The following KSR2 variants were observed in gnomAD, a reference collection of about 807,000 sequenced individuals.
KSR2 encodes kinase suppressor of ras 2.
KSR2 carries 25 observed loss-of-function variants against 107.8 expected under a neutral mutation model. The ratio of observed to expected loss-of-function variants is 0.23; its 90% CI spans 0.17 to 0.32. KSR2 has a LOEUF of 0.32. Ranked by LOEUF, KSR2 falls within the 10% of genes least tolerant of loss-of-function variation. The pLI, the probability that KSR2 is intolerant of heterozygous loss-of-function variation, is 1.00. For synonymous variants in KSR2, 480 were observed against 507.0 expected (o/e 0.95, Z 0.71); for missense variants, 887 against 1,268.9 (o/e 0.70, Z 4.57).
chr12:117,587,123 G>A (rs1315607568), intron 5 of KSR2, among the ~76,000 whole-genome samples: 3 of 152,136 alleles, frequency 2.0e-5, no homozygotes, highest in African/African-American at 7.2e-5. Context: ...AGGAGGCCTG[G>A]GAAGTGATGT....
intron 4 of KSR2, among the ~76,000 whole-genome samples, chr12:117,716,307 G>T (rs1448177275): frequency 1.3e-5 from 2 of 152,142 alleles, no homozygotes; most frequent in Non-Finnish European, 2.9e-5. Flanking sequence ...TTACTCTGAA[G>T]TATGGCCTCC....
At chr12:117,641,189 C>CAGGTTCA (rs767949211) in intron 5 of KSR2, among the ~76,000 whole-genome samples, 28 of 152,298 alleles carry the variant, frequency 1.8e-4, no homozygotes, top group Non-Finnish European at 3.4e-4. Flanking sequence ...CCTCTGCCTT[C>CAGGTTCA]AGGTTCAAGC....
Position 117,455,026 on chromosome 12 carries a change from C to CAGAGAGAGAGAGAG in KSR2, c.*12172_*12173insCTCTCTCTCTCTCT, listed in dbSNP as rs776656913. On this transcript the variant is annotated 3_prime_UTR_variant, in exon 20 of 20. Coordinates refer to ENST00000339824, the MANE Select transcript of KSR2 (RefSeq NM_173598.6). ...GCAGAGACAGAGACAGACACAGAGACAGACAGACAGAGAGAGAGAGAGAGA... is the reference window on the plus strand; with the variant it reads ...GCAGAGACAGAGACAGACACAGAGACAGAGAGAGAGAGAGAGACAGACAGAGAGAGAGAGAGAGA... 8.9e-6 allele frequency: 1 copy of CAGAGAGAGAGAGAG among 112,584 alleles called. No homozygotes were observed. Among genetic ancestry groups the CAGAGAGAGAGAGAG allele is most frequent in the African/African-American group, 3.6e-5 (1 of 27,558 alleles). The allele number at this position is 112,584 out of a possible 1,614,324, so 7.0% of individuals were successfully genotyped here. A position where few individuals can be genotyped will look rare whatever the true frequency, so the allele number is the denominator to read the frequency against.
intron 12 of KSR2, 31 bp from the exon 13 acceptor site, chr12:117,527,150 T>A: frequency 1.3e-6 from 2 of 1,559,620 alleles, no homozygotes; most frequent in Non-Finnish European, 1.8e-6. Context: ...ACGTGATCCC[T>A]AGGTGAAAAG....
rs555576927 is a variant in KSR2, at chr12:117,619,170, A to G, written c.1172-36811T>C. Among the ~76,000 whole-genome samples the G allele has an allele frequency of 3.5e-4, 53 of 150,872 alleles. 1 individual carries two copies. The highest frequency in any genetic ancestry group is 6.3e-4 in the Non-Finnish European group (43 of 67,816). On this transcript the variant is annotated intron_variant, in intron 5 of 19. Transcript: ENST00000339824. ...GGTGCAATAGCTCTTTCCTGGCAAC[A>G]TTTCTTGTGTGCAGTCAGCCACAGG...
intron 1 of KSR2, among the ~76,000 whole-genome samples, chr12:117,901,762 C>G (rs550438280): frequency 1.3e-5 from 2 of 152,252 alleles, no homozygotes; most frequent in Non-Finnish European, 2.9e-5. Context: ...CCCATTATTC[C>G]TAGACCTGCG....
At chr12:117,640,858 G>C (rs981071382) in intron 5 of KSR2, among the ~76,000 whole-genome samples, 26 of 152,158 alleles carry the variant, frequency 1.7e-4, no homozygotes, top group African/African-American at 5.8e-4. Context: ...CAATTTCACA[G>C]CTGAGAAGAG....
intron 6 of KSR2, among the ~76,000 whole-genome samples, chr12:117,579,572 T>C (rs963787282): frequency 6.6e-6 from 1 of 152,186 alleles, no homozygotes; most frequent in South Asian, 2.1e-4. Context: ...TGGCCTACTA[T>C]ATGCCAAGGT....
chr12:117,906,050 C>CT (rs1452252692), intron 1 of KSR2, among the ~76,000 whole-genome samples: 1 of 137,230 alleles, frequency 7.3e-6, no homozygotes, highest in Non-Finnish European at 1.6e-5. Flanking sequence ...ATGAGAAACA[C>CT]TTAAAAAAAC....
intron 4 of KSR2, among the ~76,000 whole-genome samples, chr12:117,753,517 A>C (rs1888679139): frequency 6.6e-6 from 1 of 152,240 alleles, no homozygotes; most frequent in Admixed American, 6.5e-5. Context: ...TTGCAGGAAC[A>C]GGGATGGAGC....
intron 1 of KSR2, chr12:117,890,753 G>A (rs561691473): frequency 1.3e-5 from 2 of 152,062 alleles, no homozygotes; most frequent in Non-Finnish European, 2.9e-5. Context: ...TAGATGCACC[G>A]TGGGACATCT....
intron 3 of KSR2, among the ~76,000 whole-genome samples, chr12:117,770,630 TAGGAA>T (rs1382447469): frequency 6.6e-6 from 1 of 151,914 alleles, no homozygotes; most frequent in African/African-American, 2.4e-5. Context: ...GATTCTGTGT[TAGGAA>T]ACTGGTGCTG....
chr12:117,511,288 T>C (rs1196415510), intron 14 of KSR2, among the ~76,000 whole-genome samples: 1 of 152,216 alleles, frequency 6.6e-6, no homozygotes, highest in Admixed American at 6.5e-5. Flanking sequence ...TTCTTTCCAG[T>C]TCAAAATTTC....
At chr12:117,753,803 C>A (rs1888690370) in intron 4 of KSR2, among the ~76,000 whole-genome samples, 1 of 134,248 alleles carries the variant, frequency 7.4e-6, no homozygotes, top group Non-Finnish European at 1.6e-5. Context: ...TACCCGTGAC[C>A]TTAAAATGAA....
At chr12:117,587,635 A>G (rs1880083745) in intron 5 of KSR2, among the ~76,000 whole-genome samples, 1 of 152,088 alleles carries the variant, frequency 6.6e-6, no homozygotes, top group South Asian at 2.1e-4. Context: ...CACAGCACCT[A>G]TCTTGTTCCA....
intron 1 of KSR2, among the ~76,000 whole-genome samples, chr12:117,906,295 G>A (rs1894840926): frequency 6.7e-6 from 1 of 149,774 alleles, no homozygotes; most frequent in Non-Finnish European, 1.5e-5. Context: ...AGAGGTTGTG[G>A]TGAGCCGAGA....
chr12:117,647,443 G>A (rs959926863), intron 5 of KSR2, among the ~76,000 whole-genome samples: 10 of 152,178 alleles, frequency 6.6e-5, no homozygotes, highest in Admixed American at 2.0e-4. Context: ...GTGTGTGCCA[G>A]GAGCCAGCAC....
chr12:117,740,484 TAA>T (rs1888151215), intron 4 of KSR2, among the ~76,000 whole-genome samples: 1 of 128,668 alleles, frequency 7.8e-6, no homozygotes, highest in African/African-American at 2.8e-5. Context: ...ATATAACATA[TAA>T]TATATATGTT....
At chr12:117,578,675 C>T (rs1224137192) in intron 7 of KSR2, among the ~76,000 whole-genome samples, 1 of 150,462 alleles carries the variant, frequency 6.6e-6, no homozygotes, top group African/African-American at 2.4e-5. Context: ...CAGCAAATTA[C>T]AGCTGAGGGC....
Sources: gnomAD v4.1 joint callset for allele counts (sites outside exome capture counted in the v4.1 genomes callset) on GRCh38, gnomAD v4.1.1 for gene constraint, MANE v1.5 for transcripts, NCBI Gene and HGNC (gene_info 2026-07-23, HGNC 2026-07-21) for gene names.